Variants in IQCH observed in about 807,000 individuals in gnomAD.
IQCH encodes the protein IQ motif containing H.
IQCH carries 98 observed loss-of-function variants against 117.0 expected under a neutral mutation model. The ratio of observed to expected loss-of-function variants is 0.84; its 90% CI spans 0.71 to 0.99. The LOEUF is 0.99. Ranked by LOEUF, IQCH falls within the 50% of genes least tolerant of loss-of-function variation. The probability of loss-of-function intolerance (pLI) is 0.00; values close to 1 mark genes in which losing one functional copy is unlikely to be tolerated. For synonymous variants in IQCH, 412 were observed against 448.2 expected (o/e 0.92, Z 1.02); for missense variants, 1,102 against 1,243.8 (o/e 0.89, Z 1.72).
chr15:67,422,593 TAG>T lies in IQCH; in HGVS notation c.2505+1019_2505+1020del, dbSNP rs1237385836. 2.6e-5 allele frequency among the ~76,000 whole-genome samples: 4 copies of T among 152,156 alleles called. No individual in the cohort carries two copies. The highest frequency in any genetic ancestry group is 5.9e-5 in the Non-Finnish European group (4 of 68,020). On this transcript the variant is annotated intron_variant, in intron 16 of 20. Coordinates refer to ENST00000335894, the MANE Select transcript of IQCH (RefSeq NM_001031715.3). The surrounding 1 kb of genome is among the most constrained non-coding windows in gnomAD (Gnocchi z 4.7). Reference sequence around the variant, plus strand: ...CACATGGATACACCCAAAAATAATGTAGAGTTTTATTTTGCATGTTTTTAAGA... The same window carrying T: ...CACATGGATACACCCAAAAATAATGTAGTTTTATTTTGCATGTTTTTAAGA...
intron 4 of IQCH, among the ~76,000 whole-genome samples, chr15:67,317,223 A>G (rs28430597): frequency 1.3e-5 from 2 of 151,684 alleles, no homozygotes; most frequent in African/African-American, 4.8e-5. Flanking sequence ...TTTTATTTTT[A>G]TTTTTTTGAG....
intron 4 of IQCH, among the ~76,000 whole-genome samples, chr15:67,299,035 AT>A (rs1966890090): frequency 6.6e-6 from 1 of 152,074 alleles, no homozygotes; most frequent in Admixed American, 6.6e-5. Context: ...CAACAGATGA[AT>A]AAAGAAAATG....
In IQCH at chr15:67,380,746, G is replaced by T. The variant is rs1970900571; in HGVS notation, c.1373-4190G>T. ...GTGCTCTCTTGATTAGGAGAGAAAG[G>T]GATGGAGTAAGCTTGAGTATGCTGC... On this transcript the variant is annotated intron_variant, in intron 10 of 20. Coordinates refer to ENST00000335894, the MANE Select transcript of IQCH (RefSeq NM_001031715.3). Among the ~76,000 whole-genome samples the T allele has an allele frequency of 2.0e-5, 3 of 152,158 alleles. No homozygotes were observed. In the South Asian group the frequency reaches 6.2e-4, roughly 32 times the overall value.
Position 67,463,233 on chromosome 15 carries a change from A to G in IQCH, c.2506-1894A>G, listed in dbSNP as rs533596750. Among the ~76,000 whole-genome samples the G allele has an allele frequency of 5.9e-5, 9 of 152,350 alleles. No homozygotes were observed. The highest frequency in any genetic ancestry group is 2.2e-4 in the African/African-American group (9 of 41,584). Reference sequence around the variant, plus strand: ...GGAAAAACTGTTTAATCAAGTCTTCATGAAAATGTGTTAGTTTCCAACTTC... The same window carrying G: ...GGAAAAACTGTTTAATCAAGTCTTCGTGAAAATGTGTTAGTTTCCAACTTC... On this transcript the variant is annotated intron_variant, in intron 16 of 20. Transcript: ENST00000335894. This position sits in a 1 kb window ranked among gnomAD's most constrained non-coding sequence, Gnocchi z 4.0.
At chr15:67,471,156 G>T (rs2083061498) in intron 17 of IQCH, among the ~76,000 whole-genome samples, 1 of 151,986 alleles carries the variant, frequency 6.6e-6, no homozygotes, top group African/African-American at 2.4e-5. Flanking sequence ...TTACAGTGCT[G>T]CAATGAATAA....
Position 67,270,334 on chromosome 15 carries a change from T to C in IQCH, c.269+7118T>C, listed in dbSNP as rs188250797. 2.1e-3 allele frequency among the ~76,000 whole-genome samples: 327 copies of C among 152,318 alleles called. 1 individual carries two copies. Among genetic ancestry groups the C allele is most frequent in the African/African-American group, 7.5e-3 (311 of 41,572 alleles). On this transcript the variant is annotated intron_variant, in intron 3 of 20. Coordinates refer to ENST00000335894, the MANE Select transcript of IQCH (RefSeq NM_001031715.3). ...GAAAGGCATCCAGTTTCTCCCTGTT[T>C]AGTATGATGTTGGCTATGGGTTTGT...
chr15:67,428,467 T>C (rs1280853863), intron 16 of IQCH, among the ~76,000 whole-genome samples: 2 of 152,122 alleles, frequency 1.3e-5, no homozygotes, highest in Non-Finnish European at 2.9e-5. Context: ...GCAAAAGGAC[T>C]TTGCATATGT....
intron 16 of IQCH, among the ~76,000 whole-genome samples, chr15:67,442,864 A>ATAGATAGG (rs1491269009): frequency 1.6e-5 from 2 of 123,660 alleles, no homozygotes; most frequent in African/African-American, 3.3e-5. Flanking sequence ...AGATAGATAG[A>ATAGATAGG]TATACATATA....
intron 18 of IQCH, among the ~76,000 whole-genome samples, chr15:67,477,422 C>T (rs1189480792): frequency 6.6e-6 from 1 of 152,202 alleles, no homozygotes; most frequent in Non-Finnish European, 1.5e-5. Context: ...CTGGCTGACA[C>T]TTGGCAATCC....
In IQCH at chr15:67,456,901, G is replaced by A. The variant is rs2082670119; in HGVS notation, c.2506-8226G>A. Among the ~76,000 whole-genome samples the A allele has an allele frequency of 6.6e-6, 1 of 152,080 alleles. No individual in the cohort carries two copies. The highest frequency in any genetic ancestry group is 1.5e-5 in the Non-Finnish European group (1 of 68,014). On this transcript the variant is annotated intron_variant, in intron 16 of 20. Transcript: ENST00000335894. This position sits in a 1 kb window ranked among gnomAD's most constrained non-coding sequence, Gnocchi z 5.1. The stretch of plus-strand genomic sequence containing the variant: ...ACCCCATAGAAGGCAGTGTCCAAGG[G>A]GATTGGTACAGAGATGGAAGCTCTA...
chr15:67,424,651 TGAA>T lies in IQCH; in HGVS notation c.2505+3079_2505+3081del, dbSNP rs1274145102. 6.6e-6 allele frequency among the ~76,000 whole-genome samples: 1 copy of T among 152,210 alleles called. No homozygotes were observed. The highest frequency in any genetic ancestry group is 1.5e-5 in the Non-Finnish European group (1 of 68,036). ...ATGCTGGATGGTATTGCAAGGCTTTTGAAGAAGGAGCTCAAACATTCATTGGAT... is the reference window on the plus strand; with the variant it reads ...ATGCTGGATGGTATTGCAAGGCTTTTGAAGGAGCTCAAACATTCATTGGAT... On this transcript the variant is annotated intron_variant, in intron 16 of 20. Coordinates refer to ENST00000335894, the MANE Select transcript of IQCH (RefSeq NM_001031715.3). The surrounding 1 kb of genome is among the most constrained non-coding windows in gnomAD (Gnocchi z 4.9).
intron 10 of IQCH, among the ~76,000 whole-genome samples, chr15:67,374,627 G>C (rs1270096627): frequency 6.6e-6 from 1 of 152,134 alleles, no homozygotes; most frequent in Non-Finnish European, 1.5e-5. Flanking sequence ...GCATTGCACA[G>C]AGCCTTTTAG....
intron 14 of IQCH, among the ~76,000 whole-genome samples, chr15:67,415,339 C>T (rs112277921): frequency 6.6e-6 from 1 of 152,172 alleles, no homozygotes; most frequent in African/African-American, 2.4e-5. Context: ...TTCCCCAGCC[C>T]TTCTTAACAG....
At chr15:67,455,371 C>T (rs1365866232) in intron 16 of IQCH, among the ~76,000 whole-genome samples, 1 of 152,218 alleles carries the variant, frequency 6.6e-6, no homozygotes, top group Non-Finnish European at 1.5e-5. Flanking sequence ...GACCAAGTCT[C>T]TTCCCCTTGT....
chr15:67,324,144 A>G (rs566796208), intron 4 of IQCH, among the ~76,000 whole-genome samples: 3 of 151,588 alleles, frequency 2.0e-5, no homozygotes, highest in South Asian at 4.2e-4. Flanking sequence ...GGGTTTCACC[A>G]TGTTGGCCAG....
chr15:67,283,942 G>C (rs1378183392), intron 4 of IQCH, among the ~76,000 whole-genome samples: 2 of 151,918 alleles, frequency 1.3e-5, no homozygotes, highest in African/African-American at 4.8e-5. Context: ...ACATATGTAT[G>C]GGGTACATGA....
chr15:67,254,927 G>C lies in IQCH; in HGVS notation c.31G>C (p.Val11Leu). 6.2e-7 allele frequency: 1 copy of C among 1,613,812 alleles called. No individual in the cohort carries two copies. The highest frequency in any genetic ancestry group is 1.3e-5 in the African/African-American group (1 of 75,040). The change falls in exon 1 of 21, where the codon GTC becomes CTC. Residue 11 changes from valine to leucine, a missense_variant. Physicochemically the swap from Val to Leu is conservative, Grantham distance 32. This residue lies in a region of IQCH where 452 missense variants were observed against 449.6 expected (regional missense o/e 1.01). Transcript: ENST00000335894. Reference protein sequence around the residue: MAQNTENHDPVGSILIQIHED... With the variant: MAQNTENHDPLGSILIQIHED... ...ACAGAACACTGAAAACCACGACCCTGTCGGATCCATCTTAATCCAGGTGGG... is the reference window on the plus strand; with the variant it reads ...ACAGAACACTGAAAACCACGACCCTCTCGGATCCATCTTAATCCAGGTGGG...
At chr15:67,461,735 C>A (rs1025089305) in intron 16 of IQCH, among the ~76,000 whole-genome samples, 1 of 152,188 alleles carries the variant, frequency 6.6e-6, no homozygotes, top group Non-Finnish European at 1.5e-5. Context: ...AACTATGAGG[C>A]TGCTTTTTTA....
chr15:67,284,173 C>T (rs1596098064), intron 4 of IQCH, among the ~76,000 whole-genome samples: 1 of 152,054 alleles, frequency 6.6e-6, no homozygotes, highest in Admixed American at 6.6e-5. Context: ...CATTAACCAT[C>T]CCCACTTCCC....
Sources: allele counts gnomAD v4.1 joint callset (sites outside exome capture counted in the v4.1 genomes callset), GRCh38; gene constraint gnomAD v4.1.1; regional missense constraint gnomAD v4.1.1; non-coding constraint Gnocchi (gnomAD v3.1); transcripts MANE v1.5; gene names NCBI Gene and HGNC (gene_info 2026-07-23, HGNC 2026-07-21).